The following CLEC16A variants were observed in gnomAD, a reference collection of about 807,000 sequenced individuals.
The protein encoded by CLEC16A is protein CLEC16A.
A neutral mutation model predicts 109.5 loss-of-function variants in CLEC16A; 51 were observed. The observed-to-expected ratio is 0.47, with a 90% CI of 0.37 to 0.59. The LOEUF is 0.59. Among genes scored for constraint, CLEC16A ranks in the 20% least tolerant of loss-of-function variants. The pLI, the probability that CLEC16A is intolerant of heterozygous loss-of-function variation, is 0.00. For missense variants in CLEC16A, 1,339 were observed against 1,394.0 expected (o/e 0.96, Z 0.63); for synonymous variants, 673 against 564.2 (o/e 1.19, Z -2.73).
chr16:11,042,104 G>GGGTTCCC, intron 14 of CLEC16A, 150 bp from the exon 15 acceptor site: 3 of 604,050 alleles, frequency 5.0e-6, no homozygotes, highest in Middle Eastern at 6.0e-4. Context: ...TGGGCATGGG[G>GGGTTCCC]GGTTCCCACT....
intron 9 of CLEC16A, 115 bp downstream of exon 9, chr16:10,979,497 G>A: frequency 1.1e-6 from 1 of 894,356 alleles, no homozygotes; most frequent in Non-Finnish European, 1.7e-6. Context: ...CCCCCATGCT[G>A]GAGTAAAATA....
chr16:11,175,453 C>T, intron 23 of CLEC16A, among the ~76,000 whole-genome samples: 1 of 152,206 alleles, frequency 6.6e-6, no homozygotes, highest in Non-Finnish European at 1.5e-5. Flanking sequence ...GAAGCCAAGG[C>T]TTCACCAGTA....
At chr16:11,132,370 C>T (rs1342304214) in intron 22 of CLEC16A, among the ~76,000 whole-genome samples, 1 of 151,964 alleles carries the variant, frequency 6.6e-6, no homozygotes, top group African/African-American at 2.4e-5. Flanking sequence ...TTTCAGTTTG[C>T]ATCATGTTTT....
At chr16:11,032,863 GA>G (rs2046822494) in intron 13 of CLEC16A, among the ~76,000 whole-genome samples, 2 of 152,210 alleles carry the variant, frequency 1.3e-5, no homozygotes, top group Admixed American at 6.5e-5. Flanking sequence ...CCCTGAAGAG[GA>G]ATTGCCATTT....
At chr16:11,035,640 T>A (rs147813611) in intron 13 of CLEC16A, among the ~76,000 whole-genome samples, 1 of 152,226 alleles carries the variant, frequency 6.6e-6, no homozygotes, top group Non-Finnish European at 1.5e-5. Flanking sequence ...AGCCACTTCA[T>A]GGAATGTCAT....
intron 19 of CLEC16A, among the ~76,000 whole-genome samples, chr16:11,110,169 A>C (rs1289642392): frequency 1.3e-5 from 2 of 152,222 alleles, no homozygotes; most frequent in African/African-American, 4.8e-5. Flanking sequence ...TCCAAGTGGG[A>C]GCACCAAAAG....
In CLEC16A at chr16:11,027,500, G is replaced by A. The variant is rs995656064; in HGVS notation, c.1537+2579G>A. The A allele has an allele frequency of 3.2e-6, 5 of 1,585,202 alleles. No individual in the cohort carries two copies. In the African/African-American group the frequency reaches 6.7e-5, roughly 21 times the overall value. ...TCATTTTGAAACGTGGACAAGCCAA[G>A]GTCAAGAGTAAGACCATCCCTCTGA... On this transcript the variant is annotated intron_variant, in intron 13 of 23. Transcript: ENST00000409790.
At chr16:11,151,818 C>CG (rs1179514310) in intron 22 of CLEC16A, among the ~76,000 whole-genome samples, 13 of 152,248 alleles carry the variant, frequency 8.5e-5, no homozygotes, top group African/African-American at 2.9e-4. Context: ...CAGCCACTTT[C>CG]GGGGGGCGGG....
intron 11 of CLEC16A, among the ~76,000 whole-genome samples, chr16:11,008,710 G>T (rs565286725): frequency 2.4e-4 from 36 of 151,794 alleles, no homozygotes; most frequent in African/African-American, 8.7e-4. Flanking sequence ...AGTACATTCG[G>T]CTGGGTGCGG....
At chr16:11,056,317 A>T (rs1044465894) in intron 18 of CLEC16A, among the ~76,000 whole-genome samples, 4 of 152,200 alleles carry the variant, frequency 2.6e-5, no homozygotes, top group African/African-American at 9.7e-5. Flanking sequence ...CCCAGAGTAG[A>T]CGAGTGTGGC....
At position 11,132,731 on chromosome 16, in the gene CLEC16A, G is replaced by A. The variant is rs76063089; in HGVS notation, c.2641+6585G>A. ...TCCTGCACTAGAATGGAAGGCACTT[G>A]GCCAGGGGGTGGGTACAGGGTTGTG... On this transcript the variant is annotated intron_variant, in intron 22 of 23. Transcript: ENST00000409790. Among the ~76,000 whole-genome samples, 507 of 152,312 alleles carry A rather than the reference G, an allele frequency of 3.3e-3. 7 individuals carry two copies. Among genetic ancestry groups the A allele is most frequent in the Admixed American group, 0.03 (455 of 15,304 alleles).
chr16:11,178,343 A>T lies in CLEC16A; in HGVS notation c.2815A>T (p.Met939Leu). 1 of 1,605,088 alleles carries T rather than the reference A, an allele frequency of 6.2e-7. No individual in the cohort carries two copies. Among genetic ancestry groups the T allele is most frequent in the Non-Finnish European group, 8.5e-7 (1 of 1,173,036 alleles). ...TTTCTCCCCCAATCCAGATGCCCCC[A>T]TGAGTCCAGAACTGCCTAAGCCTCA... ...STAQSPADAP[M>L]SPELPKPHLP... The change falls in exon 24 of 24, where the codon ATG (methionine) becomes TTG (leucine). Residue 939 changes from methionine to leucine, a missense_variant. Met to Leu is a conservative substitution (Grantham distance 15). Transcript: ENST00000409790. The surrounding 1 kb of genome is among the most constrained non-coding windows in gnomAD (Gnocchi z 6.5).
chr16:10,972,713 T>A (rs2042852844), intron 6 of CLEC16A, among the ~76,000 whole-genome samples, 154 bp downstream of exon 6: 1 of 152,184 alleles, frequency 6.6e-6, no homozygotes, highest in African/African-American at 2.4e-5. Flanking sequence ...CCCAACTAAT[T>A]TATTTTTAAG....
Position 10,957,870 on chromosome 16 carries a change from A to T in CLEC16A, c.169A>T (p.Ile57Phe), listed in dbSNP as rs1409711660. The change falls in exon 2 of 24, where the codon ATC becomes TTC. Residue 57 changes from isoleucine (I) to phenylalanine (F), a missense_variant. By Grantham distance (21) the Ile-to-Phe change is conservative. Transcript: ENST00000409790. Reference protein sequence around the residue: ...LVETIRSITEILIWGDQNDSS... With the variant: ...LVETIRSITEFLIWGDQNDSS... The stretch of plus-strand genomic sequence containing the variant: ...GGAGACCATCCGTTCCATCACTGAG[A>T]TCCTGATCTGGGGAGATCAAAATGA... 6.2e-7 allele frequency: 1 copy of T among 1,613,944 alleles called. No homozygotes were observed. Among genetic ancestry groups the T allele is most frequent in the Non-Finnish European group, 8.5e-7 (1 of 1,179,838 alleles).
At chr16:11,125,382 T>C (rs546590373) in intron 21 of CLEC16A, among the ~76,000 whole-genome samples, 1 of 152,298 alleles carries the variant, frequency 6.6e-6, no homozygotes, top group East Asian at 1.9e-4. Flanking sequence ...AGAATTATGC[T>C]GTAAAGTGGC....
At chr16:10,998,906 A>G (rs1336290409) in intron 10 of CLEC16A, among the ~76,000 whole-genome samples, 1 of 152,186 alleles carries the variant, frequency 6.6e-6, no homozygotes, top group Non-Finnish European at 1.5e-5. Flanking sequence ...AGCAACAGAA[A>G]TGGTCACAAA....
chr16:11,140,714 C>T (rs962622007), intron 22 of CLEC16A, among the ~76,000 whole-genome samples: 8 of 152,228 alleles, frequency 5.3e-5, no homozygotes, highest in Non-Finnish European at 8.8e-5. Context: ...CATCAGTGCA[C>T]CTGCTGTGCC....
At chr16:11,161,203 C>T (rs2054709566) in intron 22 of CLEC16A, among the ~76,000 whole-genome samples, 1 of 152,180 alleles carries the variant, frequency 6.6e-6, no homozygotes, top group Non-Finnish European at 1.5e-5. Flanking sequence ...AATACCTAAA[C>T]ATCTTTGCAG....
intron 1 of CLEC16A, among the ~76,000 whole-genome samples, chr16:10,948,952 A>C (rs919920665): frequency 2.6e-5 from 4 of 152,192 alleles, no homozygotes; most frequent in African/African-American, 9.7e-5. Flanking sequence ...TGGACCAGCA[A>C]GGTCTCATGC....
Sources: gnomAD v4.1 joint callset for allele counts (sites outside exome capture counted in the v4.1 genomes callset) on GRCh38, gnomAD v4.1.1 for gene constraint, Gnocchi (gnomAD v3.1) non-coding constraint, MANE v1.5 for transcripts, NCBI Gene and HGNC (gene_info 2026-07-23, HGNC 2026-07-21) for gene names.